ROCK2: variants seen among roughly 807,000 people sequenced by gnomAD.
ROCK2 encodes Rho associated coiled-coil containing protein kinase 2.
Under a neutral mutation model 195.1 loss-of-function variants are expected in ROCK2, and 61 were observed. The observed-to-expected ratio is 0.31, with a 90% confidence interval of 0.25 to 0.39. The LOEUF (loss-of-function observed/expected upper bound fraction) is 0.39. ROCK2 is among the 10% of genes least tolerant of loss of function. The pLI is 1.00. For missense variants in ROCK2, 1,109 were observed against 1,637.4 expected, an observed-to-expected ratio of 0.68 and a Z score of 5.57; for synonymous variants, 504 against 545.5, an observed-to-expected ratio of 0.92 and a Z score of 1.06.
intron 1 of ROCK2, among the ~76,000 whole-genome samples, chr2:11,303,390 G>A (rs530304513): frequency 2.0e-5 from 3 of 152,156 alleles, no homozygotes; most frequent in Non-Finnish European, 2.9e-5. Flanking sequence ...ATCTATCCAC[G>A]TTCCTGCATC....
chr2:11,197,635 C>T lies in ROCK2; in HGVS notation c.3170G>A (p.Arg1057Gln). The T allele has an allele frequency of 1.2e-6, 2 of 1,613,566 alleles. No individual in the cohort carries two copies. Among genetic ancestry groups the T allele is most frequent in the Non-Finnish European group, 1.7e-6 (2 of 1,179,738 alleles). Residue 1057 changes from arginine (R) to glutamine (Q), a missense_variant, in exon 26 of 33, where the codon CGG becomes CAG. By Grantham distance (43) the Arg-to-Gln change is conservative. This residue lies in a region of ROCK2 where 29 missense variants were observed against 75.0 expected (regional missense o/e 0.39). Coordinates refer to ENST00000315872, the MANE Select transcript of ROCK2 (RefSeq NM_004850.5). The surrounding 1 kb of genome is among the most constrained non-coding windows in gnomAD (Gnocchi z 4.9). Reference protein sequence around the residue: ...PVKRGNDTDVRRKEKENRKLH... With the variant: ...PVKRGNDTDVQRKEKENRKLH... The stretch of plus-strand genomic sequence containing the variant: ...CTTTCTATTCTCCTTCTCTTTTCTC[C>T]GCACATCTGTGTCATTACCACGCTT...
At chr2:11,313,766 C>T (rs1668110090) in intron 1 of ROCK2, among the ~76,000 whole-genome samples, 1 of 151,952 alleles carries the variant, frequency 6.6e-6, no homozygotes, top group East Asian at 1.9e-4. Flanking sequence ...TGGTTTCTCA[C>T]TTTACCTTTA....
At chr2:11,224,481 AT>A (rs1558306442) in intron 6 of ROCK2, 21 bp from the exon 7 acceptor site, 1 of 1,606,974 alleles carries the variant, frequency 6.2e-7, no homozygotes, top group African/African-American at 1.3e-5. Context: ...AAGAAAGAAG[AT>A]ACTGAATGTA....
intron 3 of ROCK2, among the ~76,000 whole-genome samples, chr2:11,255,558 T>C (rs1665999634): frequency 6.6e-6 from 1 of 150,930 alleles, no homozygotes; most frequent in Admixed American, 6.6e-5. Flanking sequence ...TTCAAAGAAC[T>C]AAGGGAAAAT....
chr2:11,297,026 G>C (rs1434163710), intron 1 of ROCK2, among the ~76,000 whole-genome samples: 1 of 152,078 alleles, frequency 6.6e-6, no homozygotes, highest in East Asian at 1.9e-4. Flanking sequence ...ACACAAAAGT[G>C]CTTGGAGCAA....
At chr2:11,276,695 G>A (rs1180167880) in intron 3 of ROCK2, among the ~76,000 whole-genome samples, 5 of 152,118 alleles carry the variant, frequency 3.3e-5, no homozygotes, top group Non-Finnish European at 5.9e-5. Context: ...TTATTTTCAT[G>A]TTCTTAACTG....
At chr2:11,342,098 A>G (rs373396048) in intron 1 of ROCK2, among the ~76,000 whole-genome samples, 1 of 152,210 alleles carries the variant, frequency 6.6e-6, no homozygotes, top group Non-Finnish European at 1.5e-5. Flanking sequence ...AATTTCGTTT[A>G]TCAATTTGTA....
At chr2:11,301,733 G>A (rs917303918) in intron 1 of ROCK2, among the ~76,000 whole-genome samples, 14 of 148,040 alleles carry the variant, frequency 9.5e-5, no homozygotes, top group Non-Finnish European at 1.5e-4. Flanking sequence ...GGCCAAGATC[G>A]CGCCATTGCA....
intron 1 of ROCK2, among the ~76,000 whole-genome samples, chr2:11,328,486 C>T (rs1668616052): frequency 6.6e-6 from 1 of 152,180 alleles, no homozygotes; most frequent in South Asian, 2.1e-4. Context: ...TTCACAACTC[C>T]TTGAAGGCAA....
chr2:11,287,614 G>A (rs780140605), intron 2 of ROCK2, 41 bp downstream of exon 2: 1 of 570,128 alleles, frequency 1.8e-6, no homozygotes, highest in Non-Finnish European at 2.9e-6. Flanking sequence ...CTTATCAAAA[G>A]TAGAGTTATA....
chr2:11,320,715 G>A (rs1294310623), intron 1 of ROCK2, among the ~76,000 whole-genome samples: 1 of 152,166 alleles, frequency 6.6e-6, no homozygotes, highest in Non-Finnish European at 1.5e-5. Flanking sequence ...TGGATATCAG[G>A]CAGTGAAAGA....
At position 11,194,275 on chromosome 2, in the gene ROCK2, A is replaced by C; in HGVS notation, c.3589T>G (p.Tyr1197Asp). 7.0e-7 allele frequency: 1 copy of C among 1,428,386 alleles called. No homozygotes were observed. The highest frequency in any genetic ancestry group is 9.5e-7 in the Non-Finnish European group (1 of 1,048,860). 88.5% of individuals were successfully genotyped at this position (1,428,386 alleles called of 1,614,324 possible). A position where few individuals can be genotyped will look rare whatever the true frequency, so the allele number is the denominator to read the frequency against. The change falls in exon 29 of 33, where the codon TAC (tyrosine) becomes GAC (aspartate). Residue 1197 changes from tyrosine to aspartate, a missense_variant. Transcript: ENST00000315872. ...ACTTACTCTATATCTAAAACCATGTAAGGATTGGATTGTTCTTTATCTTGT... is the reference window on the plus strand; with the variant it reads ...ACTTACTCTATATCTAAAACCATGTCAGGATTGGATTGTTCTTTATCTTGT... ...SEQDKEQSNP[Y>D]MVLDIDKLFH...
rs550712751 is a variant in ROCK2, at chr2:11,318,382, C to G, written c.141+25614G>C. Among the ~76,000 whole-genome samples, 3 of 152,268 alleles carry G rather than the reference C, an allele frequency of 2.0e-5. No homozygotes were observed. In the East Asian group the frequency reaches 5.8e-4, roughly 29 times the overall value. ...TGGCCAGTGATGATGAGCATTTTTT[C>G]ATGTGTCTGTTGGCTGCATAAATGT... On this transcript the variant is annotated intron_variant, in intron 1 of 32. Coordinates refer to ENST00000315872, the MANE Select transcript of ROCK2 (RefSeq NM_004850.5).
At chr2:11,245,880 G>C (rs193227273) in intron 4 of ROCK2, among the ~76,000 whole-genome samples, 22 of 152,192 alleles carry the variant, frequency 1.4e-4, no homozygotes, top group Non-Finnish European at 5.9e-5. Context: ...CCCCAAAATT[G>C]GTCACCCTTA....
chr2:11,313,832 C>T (rs1345714621), intron 1 of ROCK2, among the ~76,000 whole-genome samples: 2 of 151,752 alleles, frequency 1.3e-5, no homozygotes, highest in Non-Finnish European at 3.0e-5. Context: ...GAGAAAATAA[C>T]CTAATTTTTC....
At chr2:11,272,050 G>T (rs1666654665) in intron 3 of ROCK2, among the ~76,000 whole-genome samples, 1 of 151,792 alleles carries the variant, frequency 6.6e-6, no homozygotes, top group Non-Finnish European at 1.5e-5. Context: ...GAATTGAAAG[G>T]TTCATTTGGA....
At chr2:11,194,132 G>A (rs1345970710) in intron 29 of ROCK2, 124 bp downstream of exon 29, 3 of 469,558 alleles carry the variant, frequency 6.4e-6, no homozygotes, top group Non-Finnish European at 1.1e-5. Flanking sequence ...TCTGTATGAA[G>A]CAAATCACAG....
chr2:11,204,985 G>A (rs1236053317), intron 20 of ROCK2, among the ~76,000 whole-genome samples: 1 of 152,122 alleles, frequency 6.6e-6, no homozygotes, highest in Non-Finnish European at 1.5e-5. Context: ...CAAAGGGGGT[G>A]GGAAAAACTT....
chr2:11,274,635 C>T (rs1261165429), intron 3 of ROCK2, among the ~76,000 whole-genome samples: 8 of 152,288 alleles, frequency 5.3e-5, no homozygotes, highest in Admixed American at 2.0e-4. Context: ...ACTTTCCTGA[C>T]ATAGAAAAGC....
Sources: allele counts gnomAD v4.1 joint callset (sites outside exome capture counted in the v4.1 genomes callset), GRCh38; gene constraint gnomAD v4.1.1; regional missense constraint gnomAD v4.1.1; non-coding constraint Gnocchi (gnomAD v3.1); transcripts MANE v1.5; gene names NCBI Gene and HGNC (gene_info 2026-07-23, HGNC 2026-07-21).